CRPPA: variants seen among roughly 807,000 people sequenced by gnomAD.
The protein encoded by CRPPA is D-ribitol-5-phosphate cytidylyltransferase.
A neutral mutation model predicts 52.0 loss-of-function variants in CRPPA; 43 were observed. The ratio of observed to expected loss-of-function variants is 0.83; its 90% CI spans 0.65 to 1.07. The LOEUF (loss-of-function observed/expected upper bound fraction) is 1.07. Ranked by LOEUF, CRPPA falls within the 50% of genes least tolerant of loss-of-function variation. The pLI is 0.00. For missense variants in CRPPA, 629 were observed against 551.7 expected, an observed-to-expected ratio of 1.14 and a Z score of -1.40; for synonymous variants, 250 against 203.5, an observed-to-expected ratio of 1.23 and a Z score of -1.94.
intron 3 of CRPPA, among the ~76,000 whole-genome samples, chr7:16,375,225 A>T (rs1291477178): frequency 6.6e-6 from 1 of 152,120 alleles, no homozygotes; most frequent in East Asian, 1.9e-4. Flanking sequence ...ACTACCCTCT[A>T]ATCCTTATGG....
intron 3 of CRPPA, among the ~76,000 whole-genome samples, chr7:16,358,029 G>A (rs1211971194): frequency 6.6e-6 from 1 of 152,226 alleles, no homozygotes; most frequent in Non-Finnish European, 1.5e-5. Flanking sequence ...GTATACTGCT[G>A]GGGTACCAGC....
chr7:16,122,580 G>C (rs1277443139), intron 9 of CRPPA, among the ~76,000 whole-genome samples: 1 of 151,970 alleles, frequency 6.6e-6, no homozygotes, highest in African/African-American at 2.4e-5. Context: ...AGGACAACTT[G>C]AACTGAGAAA....
chr7:16,380,488 A>G (rs975502277), intron 2 of CRPPA, among the ~76,000 whole-genome samples: 2 of 152,070 alleles, frequency 1.3e-5, no homozygotes, highest in African/African-American at 4.8e-5. Flanking sequence ...TTGGTATCAG[A>G]ATGATGCTGG....
chr7:16,161,027 T>C (rs1322937434), intron 9 of CRPPA, among the ~76,000 whole-genome samples: 1 of 152,246 alleles, frequency 6.6e-6, no homozygotes, highest in Admixed American at 6.5e-5. Flanking sequence ...CCTGAGACTT[T>C]GCTGAAATTG....
intron 2 of CRPPA, among the ~76,000 whole-genome samples, chr7:16,385,404 G>A (rs1458516827): frequency 6.6e-6 from 1 of 152,152 alleles, no homozygotes; most frequent in Non-Finnish European, 1.5e-5. Flanking sequence ...CTTGAAAGCA[G>A]CTCAAGAAAA....
chr7:16,220,549 T>C (rs1355010774), intron 8 of CRPPA, among the ~76,000 whole-genome samples: 177 of 111,112 alleles, frequency 1.6e-3, no homozygotes, highest in African/African-American at 1.8e-3. Context: ...AAAACCCCAT[T>C]GTCTCAGCCC....
chr7:16,417,501 C>T (rs1227579166), intron 1 of CRPPA, among the ~76,000 whole-genome samples: 1 of 152,164 alleles, frequency 6.6e-6, no homozygotes, highest in African/African-American at 2.4e-5. Context: ...AACATGATTG[C>T]AGCTGGAGGC....
Position 16,406,111 on chromosome 7 carries a change from C to G in CRPPA, c.484G>C (p.Val162Leu), listed in dbSNP as rs1787946967. The change falls in exon 2 of 10, where the codon GTT (valine) becomes CTT (leucine). Residue 162 changes from valine (V) to leucine (L), a missense_variant. Transcript: ENST00000407010. ...VIIHDAVRPFVEEGVLLKVVT... is the reference protein window; with the variant it reads ...VIIHDAVRPFLEEGVLLKVVT... ...ACTTTAAGAAGGACACCTTCCTCAACAAATGGTCTCACAGCATCATGGATA... is the reference window on the plus strand; with the variant it reads ...ACTTTAAGAAGGACACCTTCCTCAAGAAATGGTCTCACAGCATCATGGATA... 1.2e-6 allele frequency: 2 copies of G among 1,613,782 alleles called. No individual in the cohort carries two copies. Among genetic ancestry groups the G allele is most frequent in the African/African-American group, 2.7e-5 (2 of 74,926 alleles).
chr7:16,147,178 G>A (rs1041468701), intron 9 of CRPPA, among the ~76,000 whole-genome samples: 1 of 152,130 alleles, frequency 6.6e-6, no homozygotes, highest in East Asian at 1.9e-4. Context: ...CCCCAGCCCT[G>A]CAGAGCTGTG....
At chr7:16,353,957 C>G (rs956737566) in intron 3 of CRPPA, among the ~76,000 whole-genome samples, 3 of 151,906 alleles carry the variant, frequency 2.0e-5, no homozygotes, top group Non-Finnish European at 2.9e-5. Context: ...ATACACACAT[C>G]AAAACATCAC....
At chr7:16,105,619 T>A (rs558846987) in intron 9 of CRPPA, among the ~76,000 whole-genome samples, 1 of 152,304 alleles carries the variant, frequency 6.6e-6, no homozygotes, top group African/African-American at 2.4e-5. Context: ...TTCCTACCAC[T>A]GATGGTATCC....
chr7:16,235,617 T>C (rs1392702584), intron 8 of CRPPA, among the ~76,000 whole-genome samples: 1 of 152,062 alleles, frequency 6.6e-6, no homozygotes, highest in African/African-American at 2.4e-5. Flanking sequence ...CCACAAAGCC[T>C]AAAATATTTA....
chr7:16,091,883 C>A (rs1326290442), intron 9 of CRPPA, 84 bp from the exon 10 acceptor site: 1 of 725,298 alleles, frequency 1.4e-6, no homozygotes, highest in Non-Finnish European at 2.1e-6. Flanking sequence ...TTTTCAAGAT[C>A]TGCTGCGGTC....
intron 3 of CRPPA, among the ~76,000 whole-genome samples, chr7:16,334,729 C>T (rs1381622104): frequency 6.6e-6 from 1 of 152,130 alleles, no homozygotes; most frequent in Non-Finnish European, 1.5e-5. Context: ...ACTATTTAAC[C>T]TCAGAGCACA....
In CRPPA at chr7:16,113,192, A is replaced by T. The variant is rs536604854; in HGVS notation, c.1252-21393T>A. On this transcript the variant is annotated intron_variant, in intron 9 of 9. Transcript: ENST00000407010. ...ATGAAAAGCATTGTTGAACATAAAG[A>T]AAAAAGAATCTCAAAAGCAATAGAT... is the stretch of plus-strand genomic sequence containing the variant. Among the ~76,000 whole-genome samples, 5 of 152,160 alleles carry T rather than the reference A, an allele frequency of 3.3e-5. No individual in the cohort carries two copies. In the South Asian group the frequency reaches 1.0e-3, roughly 32 times the overall value.
intron 9 of CRPPA, among the ~76,000 whole-genome samples, chr7:16,144,553 G>A (rs771904124): frequency 1.4e-4 from 21 of 152,198 alleles, no homozygotes; most frequent in East Asian, 1.9e-4. Flanking sequence ...GGCTTAGGGC[G>A]TAGGTACAAT....
intron 2 of CRPPA, among the ~76,000 whole-genome samples, chr7:16,387,900 T>C (rs1185160486): frequency 6.6e-6 from 1 of 152,148 alleles, no homozygotes; most frequent in East Asian, 1.9e-4. Context: ...ATAAAACAAG[T>C]TATAAGAGGA....
At chr7:16,286,020 CAA>C (rs1166330678) in intron 5 of CRPPA, among the ~76,000 whole-genome samples, 9 of 7,232 alleles carry the variant, frequency 1.2e-3, no homozygotes, top group South Asian at 4.2e-3. Context: ...AACTCCATCT[CAA>C]AAAAAAAAAA....
intron 2 of CRPPA, among the ~76,000 whole-genome samples, chr7:16,384,633 T>G (rs990336953): frequency 7.9e-5 from 12 of 152,218 alleles, no homozygotes; most frequent in African/African-American, 2.7e-4. Flanking sequence ...CACTGAAACC[T>G]TTATCATTCT....
Sources: allele counts gnomAD v4.1 joint callset (sites outside exome capture counted in the v4.1 genomes callset), GRCh38; gene constraint gnomAD v4.1.1; transcripts MANE v1.5; gene names NCBI Gene and HGNC (gene_info 2026-07-23, HGNC 2026-07-21).